The following TMX2 variants were observed in gnomAD, a reference collection of about 807,000 sequenced individuals.
TMX2 encodes the protein thioredoxin-related transmembrane protein 2.
In TMX2, 20 loss-of-function variants were observed where a neutral mutation model predicts 33.4. That is an observed-to-expected ratio of 0.60 (90% CI 0.42 to 0.87). TMX2 has a LOEUF of 0.87. TMX2 is among the 40% of genes least tolerant of loss of function. TMX2 has a pLI of 0.00. For synonymous variants in TMX2, 166 were observed against 140.7 expected (o/e 1.18, Z -1.27); for missense variants, 340 against 370.7 (o/e 0.92, Z 0.68).
At chr11:57,726,373 A>G (rs1171054920) in intron 1 of TMX2, among the ~76,000 whole-genome samples, 4 of 152,080 alleles carry the variant, frequency 2.6e-5, no homozygotes, top group African/African-American at 9.7e-5. Flanking sequence ...AGATCACGCC[A>G]CTGCACTCTG....
At chr11:57,719,892 G>T (rs1205177347) in intron 1 of TMX2, among the ~76,000 whole-genome samples, 1 of 152,054 alleles carries the variant, frequency 6.6e-6, no homozygotes, top group Non-Finnish European at 1.5e-5. Context: ...AAAACTGGTT[G>T]TTCCATGTAT....
intron 1 of TMX2, among the ~76,000 whole-genome samples, chr11:57,734,040 C>T (rs569981956): frequency 3.3e-5 from 5 of 151,082 alleles, no homozygotes; most frequent in African/African-American, 1.2e-4. Context: ...GGTGTGGTGG[C>T]GGGTGCCTGT....
chr11:57,720,200 G>A (rs1203191747), intron 1 of TMX2, among the ~76,000 whole-genome samples: 2 of 150,264 alleles, frequency 1.3e-5, no homozygotes, highest in African/African-American at 4.9e-5. Context: ...TCCTTATAGA[G>A]CCCCAAAAGT....
chr11:57,725,564 C>G lies in TMX2; in HGVS notation c.190-12044C>G, dbSNP rs548205100. Among the ~76,000 whole-genome samples, 6 of 152,242 alleles carry G rather than the reference C, an allele frequency of 3.9e-5. No homozygotes were observed. The East Asian group carries it at 9.6e-4, about 24-fold the overall frequency. ...CCAGCCTGGCTAACAGAATGAAACC[C>G]TGTCTCTACTAAAAATACAAAAATT... On this transcript the variant is annotated intron_variant, in intron 1 of 7. Transcript: ENST00000278422.
At chr11:57,740,008 T>C in intron 7 of TMX2, 91 bp from the exon 8 acceptor site, 1 of 1,580,924 alleles carries the variant, frequency 6.3e-7, no homozygotes, top group Non-Finnish European at 8.6e-7. Context: ...CTCCTTCCTT[T>C]CCCAGACTTT....
intron 5 of TMX2, 93 bp from the exon 6 acceptor site, chr11:57,738,881 A>G: frequency 6.5e-7 from 1 of 1,534,350 alleles, no homozygotes; most frequent in Non-Finnish European, 9.0e-7. Flanking sequence ...TGGTAACCAA[A>G]GGCATCTCCC....
intron 1 of TMX2, among the ~76,000 whole-genome samples, chr11:57,729,564 TCTTAC>T (rs1223334412): frequency 6.6e-6 from 1 of 152,200 alleles, no homozygotes; most frequent in Non-Finnish European, 1.5e-5. Context: ...GACTTTCTCT[TCTTAC>T]CTTATGATGT....
intron 1 of TMX2, among the ~76,000 whole-genome samples, chr11:57,716,662 G>C (rs1590904104): frequency 7.0e-6 from 1 of 142,282 alleles, no homozygotes; most frequent in African/African-American, 2.6e-5. Flanking sequence ...CCGAGCGGGG[G>C]GCTGACCCCC....
chr11:57,733,155 A>G (rs1948500930), intron 1 of TMX2, among the ~76,000 whole-genome samples: 1 of 151,624 alleles, frequency 6.6e-6, no homozygotes, highest in African/African-American at 2.4e-5. Context: ...ATGATACGGC[A>G]CATGACTATA....
intron 5 of TMX2, 97 bp downstream of exon 5, chr11:57,738,867 C>T: frequency 6.5e-7 from 1 of 1,528,550 alleles, no homozygotes; most frequent in Non-Finnish European, 9.1e-7. Context: ...TTGATTTTCA[C>T]ACATGGTAAC....
At chr11:57,734,276 C>T (rs553610433) in intron 1 of TMX2, among the ~76,000 whole-genome samples, 1 of 151,118 alleles carries the variant, frequency 6.6e-6, no homozygotes, top group East Asian at 1.9e-4. Context: ...GTAACAGTCA[C>T]ACAGTTCTAC....
intron 1 of TMX2, among the ~76,000 whole-genome samples, chr11:57,724,856 GGTGAAACCGTGTCTC>G (rs1216085770): frequency 6.6e-6 from 1 of 151,826 alleles, no homozygotes; most frequent in Non-Finnish European, 1.5e-5. Flanking sequence ...TGGCCAAGGT[GGTGAAACCGTGTCTC>G]TACTAAAAAT....
At chr11:57,731,125 G>GTTTTTTTT (rs757832822) in intron 1 of TMX2, among the ~76,000 whole-genome samples, 50 of 85,778 alleles carry the variant, frequency 5.8e-4, no homozygotes, top group Middle Eastern at 8.3e-3. Context: ...TTTGTTTTTT[G>GTTTTTTTT]TTTTTTTTTT....
intron 1 of TMX2, among the ~76,000 whole-genome samples, chr11:57,731,125 G>GTTTTTTTTTTTTTTT (rs757832822): frequency 5.8e-5 from 5 of 85,858 alleles, no homozygotes; most frequent in African/African-American, 8.5e-5. Flanking sequence ...TTTGTTTTTT[G>GTTTTTTTTTTTTTTT]TTTTTTTTTT....
chr11:57,719,705 TG>T (rs1285993231), intron 1 of TMX2, among the ~76,000 whole-genome samples: 1 of 151,440 alleles, frequency 6.6e-6, no homozygotes, highest in African/African-American at 2.4e-5. Context: ...TTTGTAGAGA[TG>T]GGGTTTCGCC....
At chr11:57,727,639 T>G (rs1379678987) in intron 1 of TMX2, among the ~76,000 whole-genome samples, 1 of 152,224 alleles carries the variant, frequency 6.6e-6, no homozygotes, top group African/African-American at 2.4e-5. Context: ...AAAATCTGTT[T>G]CCTTCCCATA....
intron 1 of TMX2, chr11:57,718,076 G>C: frequency 3.2e-6 from 4 of 1,265,538 alleles, no homozygotes; most frequent in Non-Finnish European, 4.6e-6. Flanking sequence ...TGATCTTCTT[G>C]CTGGTCTTGC....
In TMX2 at chr11:57,718,315, C is replaced by T. The variant is rs1565214909; in HGVS notation, c.189+5508C>T. On this transcript the variant is annotated intron_variant, in intron 1 of 7. Transcript: ENST00000278422. ...TTCTCCCCATAGATGGACTTGCCAC[C>T]AGTGCCATTATGGCGTGTGAAGTCA... The T allele has an allele frequency of 2.6e-6, 4 of 1,558,458 alleles. No individual in the cohort carries two copies. The African/African-American group carries it at 5.4e-5, about 21-fold the overall frequency.
rs371750866 is a variant in TMX2, at chr11:57,736,142, T to G, written c.190-1466T>G. Among the ~76,000 whole-genome samples the G allele has an allele frequency of 2.1e-3, 324 of 151,894 alleles. 17 individuals are homozygous for G. The South Asian group carries it at 0.064, about 30-fold the overall frequency. ...TGGGGTCCCCTTAGTCAAGAAGGAG[T>G]CTGTTCAGTCACTTCAGGGCTTAGA... On this transcript the variant is annotated intron_variant, in intron 1 of 7. Coordinates refer to ENST00000278422, the MANE Select transcript of TMX2 (RefSeq NM_015959.4).
Sources: allele counts gnomAD v4.1 joint callset (sites outside exome capture counted in the v4.1 genomes callset), GRCh38; gene constraint gnomAD v4.1.1; transcripts MANE v1.5; gene names NCBI Gene and HGNC (gene_info 2026-07-23, HGNC 2026-07-21).